The following PTPRM variants were observed in gnomAD, a reference collection of about 807,000 sequenced individuals.
The protein encoded by PTPRM is receptor-type tyrosine-protein phosphatase mu.
Under a neutral mutation model 186.7 loss-of-function variants are expected in PTPRM, and 47 were observed. That is an observed-to-expected ratio of 0.25 (90% CI 0.20 to 0.32). The LOEUF is 0.32. PTPRM is among the 10% of genes least tolerant of loss of function. The pLI is 1.00. For synonymous variants in PTPRM, 668 were observed against 674.9 expected, an observed-to-expected ratio of 0.99 and a Z score of 0.16; for missense variants, 1,494 against 1,865.0, an observed-to-expected ratio of 0.80 and a Z score of 3.66.
chr18:8,087,742 C>G (rs190139258), intron 10 of PTPRM, among the ~76,000 whole-genome samples: 3 of 152,182 alleles, frequency 2.0e-5, no homozygotes, highest in Admixed American at 6.5e-5. Context: ...AAATGGAACT[C>G]AGAAGTAACC....
intron 14 of PTPRM, among the ~76,000 whole-genome samples, chr18:8,198,609 A>G (rs1044705503): frequency 6.6e-6 from 1 of 152,214 alleles, no homozygotes; most frequent in Non-Finnish European, 1.5e-5. Context: ...CTGTCTGCTC[A>G]GTGCTGGTTC....
chr18:7,796,445 G>A (rs1279703023), intron 2 of PTPRM, among the ~76,000 whole-genome samples: 1 of 152,202 alleles, frequency 6.6e-6, no homozygotes, highest in Admixed American at 6.5e-5. Context: ...GAGGGCATGG[G>A]TACACTTTTT....
chr18:7,664,912 A>G (rs1030673698), intron 1 of PTPRM, among the ~76,000 whole-genome samples: 10 of 152,154 alleles, frequency 6.6e-5, no homozygotes, highest in Non-Finnish European at 1.0e-4. Context: ...TTTGTGGGGG[A>G]AAACAGGTTT....
intron 14 of PTPRM, among the ~76,000 whole-genome samples, chr18:8,161,919 G>C (rs2093236898): frequency 6.6e-6 from 1 of 152,086 alleles, no homozygotes; most frequent in African/African-American, 2.4e-5. Context: ...TTTGGAATAA[G>C]TGTGCCTCCC....
chr18:7,821,730 A>G (rs1191254005), intron 2 of PTPRM, among the ~76,000 whole-genome samples: 4 of 152,156 alleles, frequency 2.6e-5, no homozygotes, highest in African/African-American at 9.7e-5. Flanking sequence ...GAACACAAAC[A>G]CTGCAATACC....
intron 1 of PTPRM, among the ~76,000 whole-genome samples, chr18:7,669,067 T>C (rs1295686978): frequency 6.6e-6 from 1 of 151,896 alleles, no homozygotes; most frequent in Non-Finnish European, 1.5e-5. Context: ...CCAGGGTCTG[T>C]TAGAGAGTGC....
intron 32 of PTPRM, 116 bp downstream of exon 32, chr18:8,394,727 C>A: frequency 8.7e-7 from 1 of 1,144,740 alleles, no homozygotes; most frequent in Non-Finnish European, 1.2e-6. Flanking sequence ...TTTTCAAAAT[C>A]ACAATGTAAT....
intron 1 of PTPRM, among the ~76,000 whole-genome samples, chr18:7,773,570 G>GTT (rs10708698): frequency 1.2e-4 from 16 of 129,092 alleles, no homozygotes; most frequent in South Asian, 2.4e-4. Context: ...TCTTTTCTTT[G>GTT]TTTTTTTTTT....
At chr18:7,941,487 A>G (rs770084587) in intron 5 of PTPRM, among the ~76,000 whole-genome samples, 4 of 152,238 alleles carry the variant, frequency 2.6e-5, no homozygotes, top group Non-Finnish European at 5.9e-5. Flanking sequence ...TCAGATGCAC[A>G]TTTATTTTTA....
intron 19 of PTPRM, among the ~76,000 whole-genome samples, chr18:8,286,150 C>T (rs2094954871): frequency 1.3e-5 from 2 of 152,214 alleles, no homozygotes; most frequent in South Asian, 4.1e-4. Flanking sequence ...TCGTGAGTTG[C>T]TGCTGAGTCC....
chr18:8,299,558 C>T (rs867665332), intron 20 of PTPRM, among the ~76,000 whole-genome samples: 13 of 150,310 alleles, frequency 8.6e-5, no homozygotes, highest in South Asian at 4.2e-4. Context: ...GCACTCCAGC[C>T]TGGGCAACAG....
rs548890271 is a variant in PTPRM, at chr18:8,370,040, A to G, written c.3055-850A>G. Among the ~76,000 whole-genome samples, 9 of 152,272 alleles carry G rather than the reference A, an allele frequency of 5.9e-5. No individual in the cohort carries two copies. The South Asian group carries it at 6.2e-4, about 11-fold the overall frequency. The stretch of plus-strand genomic sequence containing the variant: ...AGAGTTACAGAATAGAAATTCATCC[A>G]TGGAGGGGCAGGGACAGGAATAGAT... On this transcript the variant is annotated intron_variant, in intron 23 of 32. Coordinates refer to ENST00000580170, the MANE Select transcript of PTPRM (RefSeq NM_001105244.2).
intron 22 of PTPRM, among the ~76,000 whole-genome samples, chr18:8,341,002 C>A (rs1467462167): frequency 6.6e-6 from 1 of 152,108 alleles, no homozygotes; most frequent in Non-Finnish European, 1.5e-5. Flanking sequence ...AAGCTGAAAG[C>A]AGAGCCTTGG....
At chr18:8,211,655 G>C (rs969742317) in intron 14 of PTPRM, among the ~76,000 whole-genome samples, 1 of 151,862 alleles carries the variant, frequency 6.6e-6, no homozygotes, top group African/African-American at 2.4e-5. Context: ...CGCCTGCCTC[G>C]CCCTCCCAAA....
intron 31 of PTPRM, among the ~76,000 whole-genome samples, chr18:8,393,644 T>C (rs2095829395): frequency 6.6e-6 from 1 of 152,238 alleles, no homozygotes. Flanking sequence ...AGTAAGGTGT[T>C]CATATCAGGG....
chr18:8,235,929 A>G (rs1171624516), intron 14 of PTPRM, among the ~76,000 whole-genome samples: 2 of 152,164 alleles, frequency 1.3e-5, no homozygotes, highest in Admixed American at 1.3e-4. Context: ...ATTGTAGTCT[A>G]ACAGCAGACA....
chr18:8,382,355 G>A (rs1031299509), intron 29 of PTPRM, among the ~76,000 whole-genome samples: 2 of 152,054 alleles, frequency 1.3e-5, no homozygotes, highest in African/African-American at 4.8e-5. Flanking sequence ...GAGAAAGCAA[G>A]CAGAAAGCAG....
intron 1 of PTPRM, among the ~76,000 whole-genome samples, chr18:7,679,389 G>A (rs1042317999): frequency 1.3e-4 from 20 of 152,072 alleles, no homozygotes; most frequent in Non-Finnish European, 1.8e-4. Context: ...CTGGGCTGGG[G>A]TGCAGTGGCT....
chr18:8,342,463 A>AT (rs2095480262), intron 22 of PTPRM, among the ~76,000 whole-genome samples: 1 of 152,222 alleles, frequency 6.6e-6, no homozygotes, highest in African/African-American at 2.4e-5. Flanking sequence ...AAATTCAAAT[A>AT]TTTGAGCTCC....
Sources: gnomAD v4.1 joint callset for allele counts (sites outside exome capture counted in the v4.1 genomes callset) on GRCh38, gnomAD v4.1.1 for gene constraint, MANE v1.5 for transcripts, NCBI Gene and HGNC (gene_info 2026-07-23, HGNC 2026-07-21) for gene names.